The following DACH1 variants were observed in gnomAD, a reference collection of about 807,000 sequenced individuals.
DACH1 encodes the protein dachshund family transcription factor 1.
In DACH1, 12 loss-of-function variants were observed where a neutral mutation model predicts 54.2. The ratio of observed to expected loss-of-function variants is 0.22; its 90% CI spans 0.14 to 0.36. DACH1 has a LOEUF of 0.36. Among genes scored for constraint, DACH1 ranks in the 10% least tolerant of loss-of-function variants. DACH1 has a pLI of 1.00. For synonymous variants in DACH1, 386 were observed against 366.2 expected (o/e 1.05, Z -0.62); for missense variants, 805 against 929.8 (o/e 0.87, Z 1.75).
At chr13:71,532,584 G>C (rs1381814247) in intron 6 of DACH1, among the ~76,000 whole-genome samples, 2 of 151,818 alleles carry the variant, frequency 1.3e-5, no homozygotes, top group Non-Finnish European at 2.9e-5. Context: ...AGAGATATTG[G>C]GGAGAACTGA....
chr13:71,696,913 C>T (rs771112563), intron 1 of DACH1, among the ~76,000 whole-genome samples: 42 of 152,096 alleles, frequency 2.8e-4, no homozygotes, highest in Non-Finnish European at 5.1e-4. Flanking sequence ...TAAAAATATA[C>T]GTATTATCTC....
At chr13:71,850,488 T>C (rs1448823196) in intron 1 of DACH1, among the ~76,000 whole-genome samples, 1 of 152,152 alleles carries the variant, frequency 6.6e-6, no homozygotes, top group Non-Finnish European at 1.5e-5. Flanking sequence ...CTTCCTTCTA[T>C]ACCTTATCCC....
intron 1 of DACH1, among the ~76,000 whole-genome samples, chr13:71,849,180 G>C (rs1277236265): frequency 6.6e-6 from 1 of 152,158 alleles, no homozygotes; most frequent in East Asian, 1.9e-4. Context: ...AAAAAACTGA[G>C]TTTTGTGTAT....
chr13:71,634,571 T>C (rs1405807513), intron 2 of DACH1, among the ~76,000 whole-genome samples: 1 of 152,172 alleles, frequency 6.6e-6, no homozygotes, highest in African/African-American at 2.4e-5. Context: ...ATCACTTAAA[T>C]ATTATGCGCT....
intron 1 of DACH1, among the ~76,000 whole-genome samples, chr13:71,700,295 C>T (rs893102842): frequency 1.3e-5 from 2 of 152,120 alleles, no homozygotes; most frequent in Non-Finnish European, 1.5e-5. Flanking sequence ...TGGTGGCTCA[C>T]GCCTATAATC....
intron 3 of DACH1, among the ~76,000 whole-genome samples, chr13:71,598,015 G>A (rs1211519079): frequency 6.6e-6 from 1 of 151,312 alleles, no homozygotes; most frequent in African/African-American, 2.4e-5. Flanking sequence ...GGGAGGCAGA[G>A]GTTACAGTGA....
At chr13:71,612,408 T>C (rs1044880568) in intron 3 of DACH1, among the ~76,000 whole-genome samples, 4 of 152,068 alleles carry the variant, frequency 2.6e-5, no homozygotes, top group Non-Finnish European at 4.4e-5. Context: ...GTCATCAAGG[T>C]CAACAAGATG....
chr13:71,774,213 T>C (rs1463820155), intron 1 of DACH1, among the ~76,000 whole-genome samples: 1 of 152,106 alleles, frequency 6.6e-6, no homozygotes, highest in Non-Finnish European at 1.5e-5. Context: ...CACCTAAAGT[T>C]CCACTGAGTA....
intron 1 of DACH1, among the ~76,000 whole-genome samples, chr13:71,855,954 T>C (rs1026466980): frequency 2.6e-5 from 4 of 152,076 alleles, no homozygotes; most frequent in Admixed American, 6.6e-5. Flanking sequence ...TCCTTAAATC[T>C]AGGATATATA....
In DACH1 at chr13:71,745,072, T is replaced by C. The variant is rs561192669; in HGVS notation, c.849-63162A>G. Among the ~76,000 whole-genome samples the C allele has an allele frequency of 4.6e-5, 7 of 152,334 alleles. No homozygotes were observed. In the South Asian group the frequency reaches 1.4e-3, roughly 32 times the overall value. ...CTTACAGATTGCTGTGAAAATCAAA[T>C]GAAACCACATTTATACAATCAGGTT... On this transcript the variant is annotated intron_variant, in intron 1 of 10. Transcript: ENST00000613252.
chr13:71,558,988 C>T (rs773397069), intron 5 of DACH1, among the ~76,000 whole-genome samples: 42 of 151,946 alleles, frequency 2.8e-4, no homozygotes, highest in Non-Finnish European at 3.4e-4. Flanking sequence ...ATGCTATAAA[C>T]ATAATTGCAT....
intron 6 of DACH1, among the ~76,000 whole-genome samples, chr13:71,546,867 T>C (rs1160321779): frequency 1.3e-5 from 2 of 152,118 alleles, no homozygotes; most frequent in African/African-American, 2.4e-5. Context: ...CAACTTTGTA[T>C]ATATCATTAA....
intron 7 of DACH1, among the ~76,000 whole-genome samples, chr13:71,487,617 T>A (rs1878646547): frequency 1.3e-5 from 2 of 152,206 alleles, no homozygotes; most frequent in Non-Finnish European, 2.9e-5. Flanking sequence ...TTTACACTGA[T>A]GAAACCCAGA....
intron 6 of DACH1, 88 bp downstream of exon 6, chr13:71,556,936 T>G: frequency 7.7e-7 from 1 of 1,300,606 alleles, no homozygotes; most frequent in Non-Finnish European, 1.0e-6. Context: ...TTTTACATGA[T>G]GTAGAGATAG....
intron 1 of DACH1, among the ~76,000 whole-genome samples, chr13:71,859,169 G>C (rs1874193647): frequency 6.6e-6 from 1 of 151,628 alleles, no homozygotes; most frequent in South Asian, 2.1e-4. Flanking sequence ...TTGAAATCCT[G>C]GATCAATTCC....
chr13:71,638,443 A>G (rs953027479), intron 2 of DACH1, among the ~76,000 whole-genome samples: 1 of 152,228 alleles, frequency 6.6e-6, no homozygotes, highest in African/African-American at 2.4e-5. Context: ...GAAGGGGCAC[A>G]TCATTTAAAA....
chr13:71,655,284 A>G (rs1358143912), intron 2 of DACH1, among the ~76,000 whole-genome samples: 1 of 151,932 alleles, frequency 6.6e-6, no homozygotes, highest in Non-Finnish European at 1.5e-5. Context: ...TCTCCCAATC[A>G]CTTGAATACA....
chr13:71,618,497 T>A (rs1485146369), intron 3 of DACH1, among the ~76,000 whole-genome samples: 1 of 152,048 alleles, frequency 6.6e-6, no homozygotes, highest in Non-Finnish European at 1.5e-5. Context: ...CTTGTATTAC[T>A]TTTTTCCTTG....
intron 2 of DACH1, among the ~76,000 whole-genome samples, chr13:71,646,455 A>C (rs1878279090): frequency 6.6e-6 from 1 of 152,212 alleles, no homozygotes; most frequent in Admixed American, 6.5e-5. Flanking sequence ...AGGAAAAAGT[A>C]GTGTTGATAA....
Sources: allele counts gnomAD v4.1 joint callset (sites outside exome capture counted in the v4.1 genomes callset), GRCh38; gene constraint gnomAD v4.1.1; transcripts MANE v1.5; gene names NCBI Gene and HGNC (gene_info 2026-07-23, HGNC 2026-07-21).